PVT1: variants seen among roughly 807,000 people sequenced by gnomAD.
PVT1 encodes CXCR4/PVT1 fusion.
At chr8:127,803,055 G>C (rs1473940819) in intron 2 of PVT1, 1 of 152,728 alleles carries the variant, frequency 6.5e-6, no homozygotes, top group East Asian at 1.9e-4. Context: ...GTGGGGCGAG[G>C]GTGAGGGGCA....
intron 3 of PVT1, among the ~76,000 whole-genome samples, chr8:127,962,371 A>G (rs553122727): frequency 6.6e-6 from 1 of 152,280 alleles, no homozygotes; most frequent in African/African-American, 2.4e-5. Context: ...TTGCAGCCTA[A>G]TGGTTTTTGA....
At chr8:128,059,363 G>T (rs1254324135) in intron 4 of PVT1, among the ~76,000 whole-genome samples, 2 of 152,086 alleles carry the variant, frequency 1.3e-5, no homozygotes, top group Non-Finnish European at 2.9e-5. Flanking sequence ...GTCCACCAGG[G>T]GTGGTCAAAC....
intron 5 of PVT1, among the ~76,000 whole-genome samples, chr8:128,087,725 T>C (rs1298760624): frequency 6.6e-6 from 1 of 151,282 alleles, no homozygotes; most frequent in East Asian, 1.9e-4. Flanking sequence ...CCTCTAACTC[T>C]GCTGACATTC....
chr8:127,900,779 A>T (rs1177955593), intron 3 of PVT1, among the ~76,000 whole-genome samples: 2 of 152,210 alleles, frequency 1.3e-5, no homozygotes, highest in African/African-American at 4.8e-5. Flanking sequence ...TTGCAGCCTG[A>T]CTGGAGGTTG....
intron 4 of PVT1, among the ~76,000 whole-genome samples, chr8:128,069,490 G>A (rs1286931783): frequency 6.6e-6 from 1 of 152,118 alleles, no homozygotes; most frequent in African/African-American, 2.4e-5. Flanking sequence ...GTGCTCCTGG[G>A]TTTCATGATC....
intron 3 of PVT1, among the ~76,000 whole-genome samples, chr8:127,908,531 G>A (rs976278865): frequency 2.0e-5 from 3 of 151,872 alleles, no homozygotes; most frequent in African/African-American, 7.3e-5. Flanking sequence ...TAGTAAAGAC[G>A]GGGTTTCACC....
chr8:127,978,127 A>G (rs1051251535), intron 3 of PVT1, among the ~76,000 whole-genome samples: 3 of 150,942 alleles, frequency 2.0e-5, no homozygotes, highest in African/African-American at 7.3e-5. Context: ...TCTTACAGGA[A>G]GTTCTCCATG....
At chr8:128,035,655 G>A (rs1813453664) in intron 4 of PVT1, among the ~76,000 whole-genome samples, 1 of 152,370 alleles carries the variant, frequency 6.6e-6, no homozygotes, top group African/African-American at 2.4e-5. Context: ...CTTTGCAGAT[G>A]TGATTAAATT....
At chr8:127,854,816 T>G in intron 2 of PVT1, 1 of 205,084 alleles carries the variant, frequency 4.9e-6, no homozygotes, top group Non-Finnish European at 9.7e-6. Context: ...TGAAATGACC[T>G]TGAGAATCTA....
intron 2 of PVT1, among the ~76,000 whole-genome samples, chr8:127,818,205 G>A (rs1814688564): frequency 6.6e-6 from 1 of 152,168 alleles, no homozygotes; most frequent in Non-Finnish European, 1.5e-5. Flanking sequence ...TTGAAATGTA[G>A]GCCTGTTGGG....
chr8:127,887,666 C>T (rs979253868), intron 2 of PVT1, among the ~76,000 whole-genome samples: 6 of 152,148 alleles, frequency 3.9e-5, no homozygotes, highest in Non-Finnish European at 7.4e-5. Context: ...GCTGGGATTA[C>T]AGGCACCTGC....
At chr8:128,083,227 G>A (rs78353067) in intron 5 of PVT1, among the ~76,000 whole-genome samples, 2,306 of 152,298 alleles carry the variant, frequency 0.015, 29 homozygotes, top group African/African-American at 0.029. Context: ...ATGATTGTTA[G>A]GATCATCGAA....
At chr8:127,812,060 A>C (rs1422707450) in intron 2 of PVT1, among the ~76,000 whole-genome samples, 2 of 150,872 alleles carry the variant, frequency 1.3e-5, no homozygotes, top group African/African-American at 4.9e-5. Context: ...AGTAAGCTGT[A>C]GTTGCACCAC....
At chr8:128,070,516 G>T (rs1357538382) in intron 5 of PVT1, among the ~76,000 whole-genome samples, 1 of 152,188 alleles carries the variant, frequency 6.6e-6, no homozygotes, top group Non-Finnish European at 1.5e-5. Flanking sequence ...GCATCAAAAA[G>T]GATGCATTTG....
rs146321767 is a variant in PVT1, at chr8:127,856,212, G to A, written n.373-34377G>A. ...TTGGTGTGTGGAGAGCTTTGATGGG[G>A]CATGTGATGTGTAGGGCTTAGGGGG... On this transcript the variant is annotated intron_variant and non_coding_transcript_variant, in intron 2 of 10. Coordinates refer to ENST00000651587, the Ensembl canonical transcript of PVT1. Among the ~76,000 whole-genome samples the A allele has an allele frequency of 3.2e-3, 494 of 152,242 alleles. 4 individuals are homozygous for A. Among genetic ancestry groups the A allele is most frequent in the African/African-American group, 0.011 (472 of 41,558 alleles).
chr8:127,925,514 C>T (rs779033668), intron 3 of PVT1, among the ~76,000 whole-genome samples: 1 of 152,190 alleles, frequency 6.6e-6, no homozygotes, highest in Non-Finnish European at 1.5e-5. Flanking sequence ...AGCTTTTATT[C>T]AGCACTTACC....
At chr8:127,832,568 C>A (rs1814861819) in intron 2 of PVT1, among the ~76,000 whole-genome samples, 1 of 152,222 alleles carries the variant, frequency 6.6e-6, no homozygotes. Flanking sequence ...AGATCAAATT[C>A]ATGCACATGG....
intron 3 of PVT1, among the ~76,000 whole-genome samples, chr8:127,921,117 C>A (rs775762938): frequency 6.6e-6 from 1 of 152,104 alleles, no homozygotes; most frequent in East Asian, 1.9e-4. Context: ...AGAAATTGCA[C>A]GTTTTGTACC....
intron 2 of PVT1, among the ~76,000 whole-genome samples, chr8:127,806,302 A>G (rs1279314614): frequency 6.6e-6 from 1 of 152,094 alleles, no homozygotes; most frequent in Middle Eastern, 3.2e-3. Context: ...TTCTACTAAA[A>G]ATACAAAAAT....
Sources: gnomAD v4.1 joint callset for allele counts (sites outside exome capture counted in the v4.1 genomes callset) on GRCh38, gnomAD v4.1.1 for gene constraint, MANE v1.5 for transcripts, NCBI Gene and HGNC (gene_info 2026-07-23, HGNC 2026-07-21) for gene names.